KCNS3: variants seen among roughly 807,000 people sequenced by gnomAD.
KCNS3 encodes the protein potassium voltage-gated channel modifier subfamily S member 3.
Under a neutral mutation model 31.0 loss-of-function variants are expected in KCNS3, and 13 were observed. The observed-to-expected ratio is 0.42, with a 90% CI of 0.27 to 0.67. The LOEUF is 0.67. KCNS3 is among the 30% of genes least tolerant of loss of function. The probability of loss-of-function intolerance (pLI) is 0.25; values close to 1 mark genes in which losing one functional copy is unlikely to be tolerated. For missense variants in KCNS3, 545 were observed against 622.4 expected (o/e 0.88, Z 1.32); for synonymous variants, 238 against 241.5 (o/e 0.99, Z 0.13).
chr2:17,920,549 G>C (rs1463039445), intron 2 of KCNS3, among the ~76,000 whole-genome samples: 2 of 152,310 alleles, frequency 1.3e-5, no homozygotes, highest in African/African-American at 4.8e-5. Flanking sequence ...CGCTGCCAGG[G>C]AGTTTCTTGG....
chr2:17,909,258 A>G (rs558718938), intron 1 of KCNS3, among the ~76,000 whole-genome samples: 3 of 152,198 alleles, frequency 2.0e-5, no homozygotes, highest in Non-Finnish European at 4.4e-5. Context: ...CCTCCAAGCC[A>G]TGCATGGGAT....
chr2:17,878,057 G>A (rs1424026991), upstream of KCNS3: 1 of 152,218 alleles, frequency 6.6e-6, no homozygotes, highest in African/African-American at 2.4e-5. Context: ...GTGAGTGGAG[G>A]AATAAGACAA....
At chr2:17,883,580 G>T (rs1048171443) in intron 1 of KCNS3, among the ~76,000 whole-genome samples, 3 of 152,170 alleles carry the variant, frequency 2.0e-5, no homozygotes, top group Non-Finnish European at 2.9e-5. Context: ...TTCATTTTGA[G>T]TGATAAAAGG....
chr2:17,903,762 C>A (rs1156604819), intron 1 of KCNS3, among the ~76,000 whole-genome samples: 1 of 152,136 alleles, frequency 6.6e-6, no homozygotes, highest in Non-Finnish European at 1.5e-5. Flanking sequence ...CCAGCTTCAT[C>A]CATGTCCCTA....
At chr2:17,922,134 A>C (rs542687980) in intron 2 of KCNS3, among the ~76,000 whole-genome samples, 1 of 150,882 alleles carries the variant, frequency 6.6e-6, no homozygotes, top group African/African-American at 2.4e-5. Flanking sequence ...ATATTCCTCT[A>C]AAATATTTAT....
At chr2:17,899,446 T>A (rs1454295250) in intron 1 of KCNS3, among the ~76,000 whole-genome samples, 1 of 152,116 alleles carries the variant, frequency 6.6e-6, no homozygotes, top group Non-Finnish European at 1.5e-5. Flanking sequence ...ATCATCTATT[T>A]ATCAACAGAT....
rs1558462439 is a variant in KCNS3 at position 17,932,040 on chromosome 2, CG to C, written c.1033del (p.Val345TrpfsTer24). 6.2e-7 allele frequency: 1 copy of C among 1,614,156 alleles called. No individual in the cohort carries two copies. Among genetic ancestry groups the C allele is most frequent in the South Asian group, 1.1e-5 (1 of 91,080 alleles). On this transcript the variant is annotated frameshift_variant, in exon 3 of 3. Coordinates refer to ENST00000304101, the MANE Select transcript of KCNS3 (RefSeq NM_002252.5). LOFTEE classifies it high-confidence loss of function. ...ISIFSVLIYS[V>X]EKDDHTSSLT... is the part of the protein sequence containing the mutation. ...CCATTTTCTCTGTGCTTATCTACTC[CG>C]TGGAGAAAGATGACCACACATCCAG...
At chr2:17,884,268 A>AATATATATATATATATATATATAT (rs1227638443) in intron 1 of KCNS3, among the ~76,000 whole-genome samples, 3 of 46,658 alleles carry the variant, frequency 6.4e-5, no homozygotes, top group Admixed American at 2.9e-4. Flanking sequence ...AAAAAAAAAA[A>AATATATATATATATATATATATAT]ATATATATAT....
chr2:17,905,906 A>G (rs1662302743), intron 1 of KCNS3, among the ~76,000 whole-genome samples: 5 of 152,128 alleles, frequency 3.3e-5, no homozygotes, highest in African/African-American at 1.2e-4. Context: ...CATCAAGGAT[A>G]TTGGTCTAAA....
At chr2:17,892,179 C>T (rs1229978043) in intron 1 of KCNS3, among the ~76,000 whole-genome samples, 6 of 151,838 alleles carry the variant, frequency 4.0e-5, no homozygotes, top group African/African-American at 1.2e-4. Flanking sequence ...ACCTTGTCTT[C>T]GAGCTCTGAA....
At chr2:17,888,210 T>G (rs1436763656) in intron 1 of KCNS3, among the ~76,000 whole-genome samples, 2 of 152,224 alleles carry the variant, frequency 1.3e-5, no homozygotes, top group African/African-American at 4.8e-5. Flanking sequence ...TTATCTTTGT[T>G]TTTATTGCAT....
chr2:17,884,073 A>C, intron 1 of KCNS3, among the ~76,000 whole-genome samples: 1 of 116,458 alleles, frequency 8.6e-6, no homozygotes, highest in African/African-American at 3.4e-5. Context: ...ACTTGGACAC[A>C]GGAAGGGGAA....
chr2:17,932,503 GT>G lies in KCNS3; in HGVS notation c.*22del. Reference sequence around the variant, plus strand: ...AAAATGAGCGGGGGTGTTTGTGCCTGTTTCTCTTATCCTTTCCCGACATTAG... The same window carrying G: ...AAAATGAGCGGGGGTGTTTGTGCCTGTTCTCTTATCCTTTCCCGACATTAG... On this transcript the variant is annotated 3_prime_UTR_variant, in exon 3 of 3. Coordinates refer to ENST00000304101, the MANE Select transcript of KCNS3 (RefSeq NM_002252.5). 6.3e-7 allele frequency: 1 copy of G among 1,590,966 alleles called. No individual in the cohort carries two copies. The highest frequency in any genetic ancestry group is 8.5e-7 in the Non-Finnish European group (1 of 1,169,644).
intron 1 of KCNS3, among the ~76,000 whole-genome samples, chr2:17,906,472 G>C (rs904193502): frequency 6.6e-6 from 1 of 151,910 alleles, no homozygotes; most frequent in Non-Finnish European, 1.5e-5. Context: ...CAGTTCTTCT[G>C]TGATCTTAGT....
upstream of KCNS3, among the ~76,000 whole-genome samples, chr2:17,878,499 G>T (rs1224843208): frequency 3.3e-5 from 5 of 151,572 alleles, no homozygotes; most frequent in African/African-American, 9.7e-5. Flanking sequence ...GTCCTCAGCC[G>T]CCCGCGCCCT....
chr2:17,894,090 G>A (rs778289445), intron 1 of KCNS3, among the ~76,000 whole-genome samples: 1 of 151,848 alleles, frequency 6.6e-6, no homozygotes, highest in Non-Finnish European at 1.5e-5. Context: ...CCACATCAAT[G>A]GAGTTAAGAA....
intron 2 of KCNS3, among the ~76,000 whole-genome samples, chr2:17,918,832 T>C (rs981980478): frequency 6.6e-6 from 1 of 152,184 alleles, no homozygotes; most frequent in Non-Finnish European, 1.5e-5. Flanking sequence ...AAATGGGCTA[T>C]GGGAGAGGGT....
In KCNS3 at chr2:17,926,919, A is replaced by G. The variant is rs112297371; in HGVS notation, c.-59-4031A>G. Among the ~76,000 whole-genome samples, 86 of 152,326 alleles carry G rather than the reference A, an allele frequency of 5.6e-4. 2 individuals are homozygous for G. The highest frequency in any genetic ancestry group is 2.0e-3 in the African/African-American group (82 of 41,570). ...CTCAGAAAATGGGTTTTTCTTTTCT[A>G]TCACATCATCGGGCTCCAAATTTCC... On this transcript the variant is annotated intron_variant, in intron 2 of 2. Coordinates refer to ENST00000304101, the MANE Select transcript of KCNS3 (RefSeq NM_002252.5).
intron 2 of KCNS3, 71 bp from the exon 3 acceptor site, chr2:17,930,879 G>T: frequency 1.0e-6 from 1 of 982,010 alleles, no homozygotes. Flanking sequence ...CTCCTGGAAA[G>T]GGCAGATTAA....
Sources: gnomAD v4.1 joint callset for allele counts (sites outside exome capture counted in the v4.1 genomes callset) on GRCh38, gnomAD v4.1.1 for gene constraint, MANE v1.5 for transcripts, NCBI Gene and HGNC (gene_info 2026-07-23, HGNC 2026-07-21) for gene names.